CCDC38: variants seen among roughly 807,000 people sequenced by gnomAD.
CCDC38 encodes the protein coiled-coil domain containing 38.
CCDC38 carries 69 observed loss-of-function variants against 72.8 expected under a neutral mutation model. The ratio of observed to expected loss-of-function variants is 0.95; its 90% CI spans 0.78 to 1.16. The LOEUF is 1.16. Ranked by LOEUF, CCDC38 falls within the 50% of genes most tolerant of loss-of-function variation. The pLI is 0.00. For synonymous variants in CCDC38, 201 were observed against 213.2 expected, an observed-to-expected ratio of 0.94 and a Z score of 0.50; for missense variants, 626 against 638.9, an observed-to-expected ratio of 0.98 and a Z score of 0.22.
intron 2 of CCDC38, among the ~76,000 whole-genome samples, chr12:95,930,155 C>T (rs58571429): frequency 0.033 from 5,069 of 152,164 alleles, 283 homozygotes; most frequent in African/African-American, 0.12. Context: ...CTATTCAACC[C>T]GCTACACCAA....
chr12:95,880,421 C>T (rs952918580), intron 11 of CCDC38, among the ~76,000 whole-genome samples: 2 of 152,016 alleles, frequency 1.3e-5, no homozygotes, highest in East Asian at 1.9e-4. Flanking sequence ...TTTGGGAGGC[C>T]GAGGTGGGTG....
intron 2 of CCDC38, among the ~76,000 whole-genome samples, chr12:95,930,961 G>C (rs1592807263): frequency 8.1e-6 from 1 of 122,888 alleles, no homozygotes; most frequent in East Asian, 2.5e-4. Context: ...GCAAATCCCT[G>C]ACATTACTAA....
chr12:95,928,763 G>A (rs928050951), intron 2 of CCDC38, among the ~76,000 whole-genome samples: 1 of 152,150 alleles, frequency 6.6e-6, no homozygotes, highest in African/African-American at 2.4e-5. Context: ...TAACAGACAG[G>A]ACCCTCAGCT....
In CCDC38 at chr12:95,878,138, T is replaced by C. The variant is rs1592756150; in HGVS notation, c.1278+73A>G. 7.2e-6 allele frequency: 11 copies of C among 1,535,448 alleles called. No individual in the cohort carries two copies. In the East Asian group the frequency reaches 2.5e-4, roughly 35 times the overall value. ...ATTTGCTTTAACTCTCCTATTCACA[T>C]ACTTAGGACACAGGGAATAAAAATT... On this transcript the variant is annotated intron_variant, in intron 13 of 15. Coordinates refer to ENST00000344280, the MANE Select transcript of CCDC38 (RefSeq NM_182496.3).
chr12:95,923,737 C>T (rs1224091073), intron 2 of CCDC38, among the ~76,000 whole-genome samples: 1 of 151,856 alleles, frequency 6.6e-6, no homozygotes, highest in African/African-American at 2.4e-5. Flanking sequence ...GTTCCCCTTC[C>T]TGTGTCCATG....
chr12:95,931,546 A>C (rs886695072), intron 2 of CCDC38, among the ~76,000 whole-genome samples: 2 of 152,080 alleles, frequency 1.3e-5, no homozygotes, highest in African/African-American at 4.8e-5. Flanking sequence ...TCTTGTCCTA[A>C]TTCTTCTATT....
chr12:95,928,296 C>G, intron 2 of CCDC38, among the ~76,000 whole-genome samples: 1 of 152,202 alleles, frequency 6.6e-6, no homozygotes, highest in East Asian at 1.9e-4. Context: ...ACTTCATCTT[C>G]CATCGCTGAT....
At chr12:95,903,651 A>G (rs967228232) in intron 5 of CCDC38, 1 of 497,676 alleles carries the variant, frequency 2.0e-6, no homozygotes, top group Non-Finnish European at 3.6e-6. Context: ...GGATAATCAT[A>G]TGGGTTTTCA....
At chr12:95,931,312 A>C (rs901382831) in intron 2 of CCDC38, among the ~76,000 whole-genome samples, 3 of 152,212 alleles carry the variant, frequency 2.0e-5, no homozygotes, top group African/African-American at 7.2e-5. Flanking sequence ...CGGTCTTTGA[A>C]TAAAAGGACT....
At chr12:95,925,798 T>A (rs1370125797) in intron 2 of CCDC38, among the ~76,000 whole-genome samples, 4 of 151,594 alleles carry the variant, frequency 2.6e-5, no homozygotes, top group Non-Finnish European at 5.9e-5. Context: ...ATTGAGATAA[T>A]CATGTGGTTT....
chr12:95,891,021 T>TA, intron 8 of CCDC38, 91 bp from the exon 9 acceptor site: 1 of 695,638 alleles, frequency 1.4e-6, no homozygotes, highest in South Asian at 1.9e-5. Flanking sequence ...AGGGTGAAGA[T>TA]AGAGTTATTG....
chr12:95,913,719 G>A (rs901522811), intron 4 of CCDC38, among the ~76,000 whole-genome samples: 1 of 151,932 alleles, frequency 6.6e-6, no homozygotes, highest in East Asian at 1.9e-4. Flanking sequence ...AATTGTTACT[G>A]GCTATTATTT....
rs2080024067 is a variant in CCDC38, at chr12:95,907,625, A to C, written c.305-1174T>G. On this transcript the variant is annotated intron_variant, in intron 4 of 15. Coordinates refer to ENST00000344280, the MANE Select transcript of CCDC38 (RefSeq NM_182496.3). ...CCGGACGGGTGGCTGCCGGGCGGAG[A>C]CGCTCCTCACTTCCCAGACGGGGTG... 1.6e-5 allele frequency among the ~76,000 whole-genome samples: 2 copies of C among 126,620 alleles called. 1 individual carries two copies. Among genetic ancestry groups the C allele is most frequent in the Non-Finnish European group, 3.3e-5 (2 of 60,264 alleles). 83.1% of individuals were successfully genotyped at this position (126,620 alleles called of 152,430 possible).
intron 8 of CCDC38, among the ~76,000 whole-genome samples, chr12:95,892,404 C>T (rs537647995): frequency 6.3e-4 from 95 of 149,990 alleles, no homozygotes; most frequent in Admixed American, 1.1e-3. Context: ...CCCACCTCAG[C>T]CTCCCTAGTG....
At chr12:95,922,090 A>G (rs1384088511) in intron 2 of CCDC38, among the ~76,000 whole-genome samples, 2 of 152,230 alleles carry the variant, frequency 1.3e-5, no homozygotes, top group Non-Finnish European at 2.9e-5. Context: ...CATTTGCCCA[A>G]AGATTCAGTG....
rs530099460 is a variant in CCDC38 at position 95,941,843 on chromosome 12, T to C, written c.-15+588A>G. 4.6e-3 allele frequency among the ~76,000 whole-genome samples: 699 copies of C among 152,172 alleles called. 4 individuals carry two copies. The highest frequency in any genetic ancestry group is 7.1e-3 in the Non-Finnish European group (480 of 67,996). ...GATTGTGTATATGAGCTGTGAATAATCTTCTGATGCCCCCTCCCCCCCACC... is the reference window on the plus strand; with the variant it reads ...GATTGTGTATATGAGCTGTGAATAACCTTCTGATGCCCCCTCCCCCCCACC... On this transcript the variant is annotated intron_variant, in intron 1 of 15. Coordinates refer to ENST00000344280, the MANE Select transcript of CCDC38 (RefSeq NM_182496.3).
chr12:95,894,512 T>C (rs1477214887), intron 8 of CCDC38, among the ~76,000 whole-genome samples: 3 of 152,226 alleles, frequency 2.0e-5, no homozygotes, highest in Non-Finnish European at 4.4e-5. Flanking sequence ...TATGAATGGC[T>C]TGTTGCAATC....
chr12:95,912,021 A>T (rs2080100053), intron 4 of CCDC38, among the ~76,000 whole-genome samples: 1 of 152,238 alleles, frequency 6.6e-6, no homozygotes, highest in Non-Finnish European at 1.5e-5. Flanking sequence ...TATACCATGG[A>T]ATACTATGCA....
chr12:95,902,430 C>T (rs1043650614), intron 5 of CCDC38, among the ~76,000 whole-genome samples: 26 of 152,094 alleles, frequency 1.7e-4, no homozygotes, highest in Admixed American at 3.3e-4. Flanking sequence ...TCACTATAGA[C>T]GAACTTGCAT....
Sources: allele counts gnomAD v4.1 joint callset (sites outside exome capture counted in the v4.1 genomes callset), GRCh38; gene constraint gnomAD v4.1.1; transcripts MANE v1.5; gene names NCBI Gene and HGNC (gene_info 2026-07-23, HGNC 2026-07-21).